LIMCH1: variants seen among roughly 807,000 people sequenced by gnomAD.
LIMCH1 encodes LIM and calponin homology domains 1, also known as LIM and calponin homology domains-containing protein 1.
A neutral mutation model predicts 176.5 loss-of-function variants in LIMCH1; 113 were observed. The ratio of observed to expected loss-of-function variants is 0.64; its 90% CI spans 0.55 to 0.75. The LOEUF is 0.75. Among genes scored for constraint, LIMCH1 ranks in the 30% least tolerant of loss-of-function variants. The pLI is 0.00. For synonymous variants in LIMCH1, 619 were observed against 645.9 expected (o/e 0.96, Z 0.63); for missense variants, 1,674 against 1,814.9 (o/e 0.92, Z 1.41).
chr4:41,495,644 A>C (rs529039456), intron 2 of LIMCH1, among the ~76,000 whole-genome samples: 1 of 152,278 alleles, frequency 6.6e-6, no homozygotes, highest in African/African-American at 2.4e-5. Context: ...TTTACCCCTA[A>C]ATCATTTAAT....
In LIMCH1 at chr4:41,467,158, T is replaced by TATATATACACAC. The variant is rs1157542568; in HGVS notation, c.97-27377_97-27376insTATATACACACA. ...CCATATATATATGTGTATGTATATA[T>TATATATACACAC]ACACACACACACACACACACACACA... is the stretch of plus-strand genomic sequence containing the variant. On this transcript the variant is annotated intron_variant, in intron 1 of 26. Transcript: ENST00000313860. Among the ~76,000 whole-genome samples, 37 of 143,550 alleles carry TATATATACACAC rather than the reference T, an allele frequency of 2.6e-4. 1 individual carries two copies. The highest frequency in any genetic ancestry group is 9.4e-4 in the African/African-American group (37 of 39,174). 94.2% of individuals were successfully genotyped at this position (143,550 alleles called of 152,430 possible). A position where few individuals can be genotyped will look rare whatever the true frequency, so the allele number is the denominator to read the frequency against.
chr4:41,644,856 A>G (rs2093994800), intron 15 of LIMCH1, among the ~76,000 whole-genome samples: 1 of 152,168 alleles, frequency 6.6e-6, no homozygotes, highest in East Asian at 1.9e-4. Flanking sequence ...AAGCTTGGTC[A>G]CAAAAGAGGG....
intron 2 of LIMCH1, among the ~76,000 whole-genome samples, chr4:41,515,183 TGGCAGAAAGCAGGGCTG>T (rs2075421734): frequency 6.6e-6 from 1 of 152,248 alleles, no homozygotes; most frequent in Non-Finnish European, 1.5e-5. Context: ...AGCCCAATTT[TGGCAGAAAGCAGGGCTG>T]GAGCCAGCTG....
chr4:41,626,887 A>G lies in LIMCH1; in HGVS notation c.905A>G (p.Lys302Arg). ...AARRARMNQT[K>R]PMVPLNQLLY... is the part of the protein sequence containing the mutation. The stretch of plus-strand genomic sequence containing the variant: ...AGGAGAGCAAGGATGAACCAAACCA[A>G]GCCAATGGTGCCATTAAATCAACTC... The change falls in exon 8 of 32, where the codon AAG becomes AGG. Residue 302 changes from lysine to arginine, a missense_variant. Around this residue, in one of 3 missense-constraint regions of LIMCH1, gnomAD observed 655 missense variants for 692.2 expected, o/e 0.95. Coordinates refer to ENST00000503057, the MANE Select transcript of LIMCH1 (RefSeq NM_001330672.2). 1 of 1,536,170 alleles carries G rather than the reference A, an allele frequency of 6.5e-7. No individual in the cohort carries two copies. The highest frequency in any genetic ancestry group is 1.2e-5 in the South Asian group (1 of 84,056).
chr4:41,677,766 T>A (rs1223342073), intron 23 of LIMCH1, among the ~76,000 whole-genome samples: 1 of 152,166 alleles, frequency 6.6e-6, no homozygotes, highest in Admixed American at 6.5e-5. Flanking sequence ...AAGACCAGAT[T>A]CAAATCCAAG....
At position 41,620,458 on chromosome 4, in the gene LIMCH1, G is replaced by A; in HGVS notation, c.493G>A (p.Val165Met). 1.3e-6 allele frequency: 2 copies of A among 1,536,166 alleles called. No individual in the cohort carries two copies. The highest frequency in any genetic ancestry group is 2.4e-5 in the South Asian group (2 of 84,056). The change falls in exon 7 of 32, where the codon GTG (valine) becomes ATG (methionine). Residue 165 changes from valine to methionine, a missense_variant. Transcript: ENST00000503057. ...AACGATAGAGGAAGAGGGGAGTGAA[G>A]TGGGGTCTGCTGGTGAAGACAACCC... is the stretch of plus-strand genomic sequence containing the variant. ...PETIEEEGSEVGSAGEDNPAG... is the reference protein window; with the variant it reads ...PETIEEEGSEMGSAGEDNPAG...
intron 1 of LIMCH1, among the ~76,000 whole-genome samples, chr4:41,418,309 G>A (rs1179557277): frequency 1.3e-5 from 2 of 152,202 alleles, no homozygotes; most frequent in South Asian, 2.1e-4. Flanking sequence ...TTGTATGGAA[G>A]TTGTAAATTT....
At chr4:41,459,043 G>A (rs2064981407) in intron 1 of LIMCH1, among the ~76,000 whole-genome samples, 2 of 152,024 alleles carry the variant, frequency 1.3e-5, no homozygotes, top group South Asian at 4.2e-4. Context: ...TTCTTATAAG[G>A]AACTAGGATA....
In LIMCH1 at chr4:41,620,385, G is replaced by C. The variant is rs555069930; in HGVS notation, c.459-39G>C. The C allele has an allele frequency of 2.2e-5, 33 of 1,521,854 alleles. 1 individual carries two copies. In the South Asian group the frequency reaches 4.0e-4, roughly 19 times the overall value. 94.3% of individuals were successfully genotyped at this position (1,521,854 alleles called of 1,614,324 possible). A position where few individuals can be genotyped will look rare whatever the true frequency, so the allele number is the denominator to read the frequency against. On this transcript the variant is annotated intron_variant, in intron 6 of 31. Coordinates refer to ENST00000503057, the MANE Select transcript of LIMCH1 (RefSeq NM_001330672.2). ...GACATGGGGTCTGCTCCCCAGCCCA[G>C]TCTGTTAGTTTGGTAAACCATATTG... is the stretch of plus-strand genomic sequence containing the variant.
At chr4:41,652,250 T>C (rs1193627575) in intron 18 of LIMCH1, among the ~76,000 whole-genome samples, 1 of 151,208 alleles carries the variant, frequency 6.6e-6, no homozygotes, top group Non-Finnish European at 1.5e-5. Flanking sequence ...CTAAAATTAT[T>C]TTTTTTTTCA....
rs2062305733 is a variant in LIMCH1 at position 41,438,283 on chromosome 4, C to T, written c.97-56253C>T. ...GTTCAGAGAAGTAAAGGAACTTGTT[C>T]AGGCCACATCGTCAGGTGAGTAGTG... On this transcript the variant is annotated intron_variant, in intron 1 of 26. Transcript: ENST00000313860. Among the ~76,000 whole-genome samples, 2 of 152,284 alleles carry T rather than the reference C, an allele frequency of 1.3e-5. 1 individual carries two copies. The highest frequency in any genetic ancestry group is 6.8e-3 in the Middle Eastern group (2 of 294).
chr4:41,658,905 G>C (rs1254400724), intron 18 of LIMCH1, among the ~76,000 whole-genome samples: 1 of 152,102 alleles, frequency 6.6e-6, no homozygotes, highest in Non-Finnish European at 1.5e-5. Flanking sequence ...CCCAGTCTCA[G>C]TTTTCTATAA....
chr4:41,443,192 C>CTTTTTTT (rs916559501), intron 1 of LIMCH1, among the ~76,000 whole-genome samples: 47 of 39,668 alleles, frequency 1.2e-3, no homozygotes, highest in Non-Finnish European at 1.7e-3. Flanking sequence ...TGTTTTTTTT[C>CTTTTTTT]TTTTTTTTTT....
chr4:41,472,053 A>C (rs1472417812), intron 1 of LIMCH1, among the ~76,000 whole-genome samples: 2 of 152,246 alleles, frequency 1.3e-5, no homozygotes, highest in Non-Finnish European at 2.9e-5. Context: ...AAGATTCTGC[A>C]CAGGGCAAGC....
chr4:41,685,360 G>A (rs1463933367), intron 27 of LIMCH1, among the ~76,000 whole-genome samples: 1 of 152,206 alleles, frequency 6.6e-6, no homozygotes, highest in Admixed American at 6.5e-5. Flanking sequence ...TGATCCATGA[G>A]TCAGAGAAAG....
intron 2 of LIMCH1, among the ~76,000 whole-genome samples, chr4:41,502,520 CCCA>C (rs1379565911): frequency 6.6e-6 from 1 of 152,180 alleles, no homozygotes; most frequent in Admixed American, 6.5e-5. Flanking sequence ...AATCTACGTT[CCCA>C]CCAACAGTGT....
intron 26 of LIMCH1, among the ~76,000 whole-genome samples, chr4:41,684,101 G>C (rs1287876560): frequency 6.6e-6 from 1 of 152,186 alleles, no homozygotes; most frequent in African/African-American, 2.4e-5. Context: ...TTTACAGTAA[G>C]TGCTCTCTTG....
intron 2 of LIMCH1, among the ~76,000 whole-genome samples, chr4:41,509,294 C>A (rs1208085538): frequency 6.6e-6 from 1 of 152,164 alleles, no homozygotes; most frequent in Non-Finnish European, 1.5e-5. Flanking sequence ...GATCTTCCAA[C>A]CCCTCTTCTG....
intron 22 of LIMCH1, 32 bp downstream of exon 22, chr4:41,671,626 G>A (rs2153012544): frequency 2.7e-6 from 4 of 1,459,782 alleles, no homozygotes; most frequent in South Asian, 2.3e-5. Context: ...ATAAGATTAT[G>A]AGTTAGTGTG....
Sources: gnomAD v4.1 joint callset for allele counts (sites outside exome capture counted in the v4.1 genomes callset) on GRCh38, gnomAD v4.1.1 for gene constraint, gnomAD v4.1.1 regional missense constraint, MANE v1.5 for transcripts, NCBI Gene and HGNC (gene_info 2026-07-23, HGNC 2026-07-21) for gene names.